The following ZNF326 variants were observed in gnomAD, a reference collection of about 807,000 sequenced individuals.
The protein encoded by ZNF326 is zinc finger protein 326.
In ZNF326, 30 loss-of-function variants were observed where a neutral mutation model predicts 63.1. The ratio of observed to expected loss-of-function variants is 0.48; its 90% CI spans 0.36 to 0.64. The LOEUF is 0.64. Among genes scored for constraint, ZNF326 ranks in the 30% least tolerant of loss-of-function variants. ZNF326 has a pLI of 0.00. For missense variants in ZNF326, 609 were observed against 720.3 expected (o/e 0.85, Z 1.77); for synonymous variants, 194 against 228.2 (o/e 0.85, Z 1.35).
chr1:90,005,281 A>G, intron 4 of ZNF326, 37 bp downstream of exon 4: 1 of 1,595,334 alleles, frequency 6.3e-7, no homozygotes, highest in Non-Finnish European at 8.5e-7. Context: ...TAATTAGACA[A>G]CTATAAGATT....
intron 9 of ZNF326, among the ~76,000 whole-genome samples, chr1:90,019,360 A>G (rs1649654646): frequency 6.6e-6 from 1 of 152,192 alleles, no homozygotes; most frequent in African/African-American, 2.4e-5. Context: ...ACATTAAGCT[A>G]ATTAAACAAC....
chr1:89,999,829 G>T (rs1026128710), intron 2 of ZNF326, among the ~76,000 whole-genome samples: 2 of 152,174 alleles, frequency 1.3e-5, no homozygotes, highest in African/African-American at 4.8e-5. Flanking sequence ...TTTAGTGCCT[G>T]CTGGGCATCA....
chr1:90,015,667 G>A (rs1321579745), intron 7 of ZNF326, among the ~76,000 whole-genome samples: 4 of 152,104 alleles, frequency 2.6e-5, no homozygotes, highest in Non-Finnish European at 5.9e-5. Flanking sequence ...GGGCAACAGA[G>A]CAAGACTCTG....
In ZNF326 at chr1:90,017,301, T is replaced by A. The variant is rs755508536; in HGVS notation, c.927-16T>A. 5.8e-6 allele frequency: 9 copies of A among 1,552,258 alleles called. No individual in the cohort carries two copies. The highest frequency in any genetic ancestry group is 4.3e-6 in the Non-Finnish European group (5 of 1,153,076). On this transcript the variant is annotated splice_polypyrimidine_tract_variant and intron_variant, in intron 7 of 11. Transcript: ENST00000340281. ...ATAAAGTAATATTTAAAGGAAAACTTTTTTTTCTCTTACAGAATGGCATTT... is the reference window on the plus strand; with the variant it reads ...ATAAAGTAATATTTAAAGGAAAACTATTTTTTCTCTTACAGAATGGCATTT...
At chr1:90,022,902 C>T (rs1222072518) in intron 11 of ZNF326, among the ~76,000 whole-genome samples, 1 of 152,130 alleles carries the variant, frequency 6.6e-6, no homozygotes, top group South Asian at 2.1e-4. Flanking sequence ...CATTCCTTTT[C>T]CCTGCATAAA....
intron 4 of ZNF326, chr1:90,005,558 A>G (rs982337168): frequency 2.1e-6 from 2 of 934,708 alleles, no homozygotes; most frequent in African/African-American, 3.5e-5. Context: ...CTGAAAAATG[A>G]TATAAAAATG....
At chr1:90,003,272 A>C (rs1648783251) in intron 2 of ZNF326, among the ~76,000 whole-genome samples, 1 of 152,076 alleles carries the variant, frequency 6.6e-6, no homozygotes, top group South Asian at 2.1e-4. Context: ...CTGGGACTAC[A>C]GGCACCTGCC....
At chr1:90,019,273 TTC>T (rs1649647307) in intron 9 of ZNF326, among the ~76,000 whole-genome samples, 1 of 152,160 alleles carries the variant, frequency 6.6e-6, no homozygotes. Context: ...ATAACCTGTC[TTC>T]TTTTTCTTTT....
rs140306918 is a variant in ZNF326 at position 90,025,487 on chromosome 1, C to T, written c.1402-1867C>T. ...CTTCTTAAATATGCAAGTTACTGAG[C>T]GTCTCCCCTGGAAATTTTGATTCAG... is the stretch of plus-strand genomic sequence containing the variant. On this transcript the variant is annotated intron_variant, in intron 11 of 11. Coordinates refer to ENST00000340281, the MANE Select transcript of ZNF326 (RefSeq NM_182976.4). Among the ~76,000 whole-genome samples, 58 of 152,204 alleles carry T rather than the reference C, an allele frequency of 3.8e-4. 1 individual carries two copies. The East Asian group carries it at 7.7e-3, about 20-fold the overall frequency.
intron 2 of ZNF326, among the ~76,000 whole-genome samples, chr1:90,002,644 A>G (rs550699234): frequency 4.6e-5 from 7 of 152,338 alleles, no homozygotes; most frequent in African/African-American, 1.7e-4. Flanking sequence ...GCTACTAGCT[A>G]CATGTTACTG....
At chr1:90,023,048 C>T (rs573772830) in intron 11 of ZNF326, among the ~76,000 whole-genome samples, 1 of 152,142 alleles carries the variant, frequency 6.6e-6, no homozygotes, top group African/African-American at 2.4e-5. Context: ...ACTCTTTACT[C>T]CTCAGGGTTT....
chr1:90,021,940 G>T (rs537995687), intron 10 of ZNF326, among the ~76,000 whole-genome samples: 2 of 152,146 alleles, frequency 1.3e-5, no homozygotes, highest in Middle Eastern at 3.4e-3. Flanking sequence ...TTTTGACAGC[G>T]TGAAAATTAA....
chr1:90,010,053 A>G (rs1303545940), intron 5 of ZNF326, 35 bp from the exon 6 acceptor site: 8 of 1,580,988 alleles, frequency 5.1e-6, no homozygotes, highest in South Asian at 4.6e-5. Flanking sequence ...TTCTTGGACA[A>G]TATGCTAATA....
chr1:89,998,206 A>T (rs982258096), intron 2 of ZNF326, 52 bp downstream of exon 2: 2 of 1,571,330 alleles, frequency 1.3e-6, no homozygotes, highest in African/African-American at 2.7e-5. Flanking sequence ...ATATAGTATC[A>T]ATGTAAAAGG....
intron 9 of ZNF326, among the ~76,000 whole-genome samples, chr1:90,019,469 A>T (rs1019422699): frequency 6.6e-6 from 1 of 152,118 alleles, no homozygotes; most frequent in Non-Finnish European, 1.5e-5. Context: ...AACATTTTTT[A>T]CTAACTATAT....
chr1:90,016,647 G>A (rs556207351), intron 7 of ZNF326, among the ~76,000 whole-genome samples: 1 of 151,878 alleles, frequency 6.6e-6, no homozygotes, highest in African/African-American at 2.4e-5. Flanking sequence ...AACTGGGGAG[G>A]TGGAGGTTGC....
At chr1:90,020,460 T>A (rs778689171) in intron 9 of ZNF326, among the ~76,000 whole-genome samples, 3 of 152,116 alleles carry the variant, frequency 2.0e-5, no homozygotes, top group Non-Finnish European at 4.4e-5. Context: ...ACATTCATAA[T>A]CATGGAAATT....
intron 2 of ZNF326, among the ~76,000 whole-genome samples, chr1:90,001,418 G>A (rs2101052460): frequency 6.6e-6 from 1 of 152,182 alleles, no homozygotes; most frequent in East Asian, 1.9e-4. Context: ...AACCAGTTAG[G>A]AGACTTTTGC....
chr1:90,007,334 A>G lies in ZNF326; in HGVS notation c.210-11A>G. On this transcript the variant is annotated splice_polypyrimidine_tract_variant and intron_variant, in intron 4 of 11. Transcript: ENST00000340281. This position sits in a 1 kb window ranked among gnomAD's most constrained non-coding sequence, Gnocchi z 4.9. ...ACTTTTGTTTTTTCCCTCACTGTGC[A>G]ACTTTTCCAGGTTTGGACCTTATGA... The G allele has an allele frequency of 6.4e-7, 1 of 1,568,318 alleles. No individual in the cohort carries two copies. Among genetic ancestry groups the G allele is most frequent in the Non-Finnish European group, 8.6e-7 (1 of 1,157,280 alleles).
Sources: gnomAD v4.1 joint callset for allele counts (sites outside exome capture counted in the v4.1 genomes callset) on GRCh38, gnomAD v4.1.1 for gene constraint, Gnocchi (gnomAD v3.1) non-coding constraint, MANE v1.5 for transcripts, NCBI Gene and HGNC (gene_info 2026-07-23, HGNC 2026-07-21) for gene names.